Variants in SF3B1 observed in about 807,000 individuals in gnomAD.
The protein encoded by SF3B1 is splicing factor 3b subunit 1.
SF3B1 carries 12 observed loss-of-function variants against 153.8 expected under a neutral mutation model. That is an observed-to-expected ratio of 0.08 (90% CI 0.05 to 0.13). The LOEUF (loss-of-function observed/expected upper bound fraction) is 0.13, where lower values mean the gene tolerates loss of function less well. SF3B1 is among the 10% of genes least tolerant of loss of function. The pLI is 1.00. For synonymous variants in SF3B1, 498 were observed against 525.2 expected (o/e 0.95, Z 0.71); for missense variants, 513 against 1,606.1 (o/e 0.32, Z 11.63).
chr2:197,401,244 G>A lies in SF3B1; in HGVS notation c.2496+156C>T, dbSNP rs1254189818. Among the ~76,000 whole-genome samples the A allele has an allele frequency of 6.6e-6, 1 of 152,178 alleles. No individual in the cohort carries two copies. Among genetic ancestry groups the A allele is most frequent in the Non-Finnish European group, 1.5e-5 (1 of 68,018 alleles). Reference sequence around the variant, plus strand: ...CCTCGAATCCAAAATCAAAATGGAAGTTAACTGGCTGACTAAAATCCATCT... The same window carrying A: ...CCTCGAATCCAAAATCAAAATGGAAATTAACTGGCTGACTAAAATCCATCT... On this transcript the variant is annotated intron_variant, in intron 17 of 24. Transcript: ENST00000335508. The surrounding 1 kb of genome is among the most constrained non-coding windows in gnomAD (Gnocchi z 4.2).
At position 197,429,653 on chromosome 2, in the gene SF3B1, G is replaced by A. The variant is rs371544833; in HGVS notation, c.28+5319C>T. On this transcript the variant is annotated intron_variant, in intron 1 of 24. Transcript: ENST00000335508. Reference sequence around the variant, plus strand: ...ACAAAAATTAGCTGGGTGTGATGGCGCGCGTCTGTAGTCCCAGCTACTCGG... The same window carrying A: ...ACAAAAATTAGCTGGGTGTGATGGCACGCGTCTGTAGTCCCAGCTACTCGG... Among the ~76,000 whole-genome samples, 195 of 152,088 alleles carry A rather than the reference G, an allele frequency of 1.3e-3. 5 individuals are homozygous for A. In the South Asian group the frequency reaches 0.03, roughly 23 times the overall value.
At chr2:197,406,082 T>A (rs2084988341) in intron 9 of SF3B1, among the ~76,000 whole-genome samples, 1 of 139,550 alleles carries the variant, frequency 7.2e-6, no homozygotes, top group Non-Finnish European at 1.5e-5. Context: ...ACAAAGAAAT[T>A]TTTTTTTTTT....
chr2:197,434,325 G>T (rs1050679412), intron 1 of SF3B1, among the ~76,000 whole-genome samples: 1 of 152,036 alleles, frequency 6.6e-6, no homozygotes, highest in African/African-American at 2.4e-5. Context: ...TGAAAGCTTC[G>T]GCCATTAATG....
intron 23 of SF3B1, chr2:197,393,430 C>A: frequency 4.1e-6 from 2 of 488,642 alleles, no homozygotes; most frequent in Non-Finnish European, 7.2e-6. Flanking sequence ...TATGGCTCAA[C>A]AATTAAGCCA....
chr2:197,418,638 A>G, intron 4 of SF3B1, 50 bp from the exon 5 acceptor site: 1 of 1,586,574 alleles, frequency 6.3e-7, no homozygotes, highest in South Asian at 1.2e-5. Context: ...ATAAAAAATA[A>G]GCAGGTTCAA....
chr2:197,422,348 C>G (rs2085257519), intron 2 of SF3B1, among the ~76,000 whole-genome samples: 2 of 150,868 alleles, frequency 1.3e-5, no homozygotes, highest in African/African-American at 4.9e-5. Context: ...TAGGTGGGAA[C>G]TGAACAATAA....
rs140740106 is a variant in SF3B1 at position 197,400,179 on chromosome 2, AAAT to A, written c.2902-16_2902-14del. The stretch of plus-strand genomic sequence containing the variant: ...CCATCAATTTTTCCTATAATAAAAC[AAAT>A]AATGTTAAAATGTTACTATTTACAT... On this transcript the variant is annotated splice_polypyrimidine_tract_variant and intron_variant, in intron 19 of 24. Transcript: ENST00000335508. The surrounding 1 kb of genome is among the most constrained non-coding windows in gnomAD (Gnocchi z 5.0). The A allele has an allele frequency of 0.18, 290,089 of 1,609,302 alleles. 27,250 individuals carry two copies. The highest frequency in any genetic ancestry group is 0.23 in the Middle Eastern group (1,395 of 6,052).
At chr2:197,427,690 T>C (rs888620803) in intron 1 of SF3B1, among the ~76,000 whole-genome samples, 10 of 152,328 alleles carry the variant, frequency 6.6e-5, no homozygotes, top group African/African-American at 2.2e-4. Context: ...TCATTATATT[T>C]TGTCCTATTC....
At position 197,408,878 on chromosome 2, in the gene SF3B1, G is replaced by A. The variant is rs191855096; in HGVS notation, c.905-297C>T. Among the ~76,000 whole-genome samples, 54 of 152,166 alleles carry A rather than the reference G, an allele frequency of 3.5e-4. 1 individual carries two copies. In the East Asian group the frequency reaches 8.5e-3, roughly 24 times the overall value. ...GCAGAGGTTGCAGTCAGCCGAGAGC[G>A]CACCACTGCACTCTAGCTTGGGTGA... is the stretch of plus-strand genomic sequence containing the variant. On this transcript the variant is annotated intron_variant, in intron 7 of 24. Coordinates refer to ENST00000335508, the MANE Select transcript of SF3B1 (RefSeq NM_012433.4).
At position 197,400,686 on chromosome 2, in the gene SF3B1, T is replaced by C. The variant is rs1396788498; in HGVS notation, c.2718+29A>G. 10 of 1,449,018 alleles carry C rather than the reference T, an allele frequency of 6.9e-6. No homozygotes were observed. Among genetic ancestry groups the C allele is most frequent in the Admixed American group, 1.8e-5 (1 of 56,112 alleles). 89.8% of individuals were successfully genotyped at this position (1,449,018 alleles called of 1,614,324 possible). The stretch of plus-strand genomic sequence containing the variant: ...GCTTTTCTACAAATATTAAAGTTAG[T>C]AGCAATGTGCCATAATAGTTTTCAT... On this transcript the variant is annotated intron_variant, in intron 18 of 24. Coordinates refer to ENST00000335508, the MANE Select transcript of SF3B1 (RefSeq NM_012433.4). This position sits in a 1 kb window ranked among gnomAD's most constrained non-coding sequence, Gnocchi z 5.0.
At position 197,391,073 on chromosome 2, in the gene SF3B1, G is replaced by A. The variant is rs908446524; in HGVS notation, c.*1230C>T. 1 of 152,084 alleles carries A rather than the reference G, an allele frequency of 6.6e-6. No individual in the cohort carries two copies. Among genetic ancestry groups the A allele is most frequent in the Admixed American group, 6.6e-5 (1 of 15,262 alleles). The allele number at this position is 152,084 out of a possible 1,614,324, so 9.4% of individuals were successfully genotyped here. On this transcript the variant is annotated 3_prime_UTR_variant, in exon 25 of 25. Transcript: ENST00000335508. The stretch of plus-strand genomic sequence containing the variant: ...AAACAAAACAGTAAAAATAGTATAG[G>A]TAGTAAAAAGGCCAAAACTAAGAAA...
chr2:197,406,854 G>A (rs571089089), intron 9 of SF3B1, among the ~76,000 whole-genome samples: 45 of 152,298 alleles, frequency 3.0e-4, no homozygotes, highest in African/African-American at 1.0e-3. Context: ...CAGTGTGGGA[G>A]GCCAATGTGG....
chr2:197,422,379 G>A (rs1325523288), intron 2 of SF3B1, among the ~76,000 whole-genome samples: 2 of 151,894 alleles, frequency 1.3e-5, no homozygotes, highest in African/African-American at 4.8e-5. Flanking sequence ...ACACAGGATG[G>A]GGAACATCAC....
rs2084948489 is a variant in SF3B1 at position 197,402,756 on chromosome 2, T to C, written c.1877A>G (p.Asn626Ser). Residue 626 changes from asparagine (N) to serine (S), a missense_variant, in exon 14 of 25, where the codon AAC becomes AGC. Asn to Ser is a conservative substitution (Grantham distance 46). This residue lies in a region of SF3B1 where 11 missense variants were observed against 16.2 expected (regional missense o/e 0.68). Transcript: ENST00000335508. This position sits in a 1 kb window ranked among gnomAD's most constrained non-coding sequence, Gnocchi z 4.6. ...DIDNMDEYVR[N>S]TTARAFAVVA... ...AACAGCAAAAGCTCTAGCTGTTGTG[T>C]TACGGACATACTCATCCATGTTATC... 2 of 1,614,052 alleles carry C rather than the reference T, an allele frequency of 1.2e-6. No individual in the cohort carries two copies. Among genetic ancestry groups the C allele is most frequent in the African/African-American group, 1.3e-5 (1 of 75,034 alleles).
chr2:197,424,778 A>G (rs1483948933), intron 1 of SF3B1, among the ~76,000 whole-genome samples: 1 of 152,248 alleles, frequency 6.6e-6, no homozygotes, highest in Admixed American at 6.5e-5. Flanking sequence ...TTTCGATTGC[A>G]AAAGATTTCC....
rs2085236478 is a variant in SF3B1, at chr2:197,421,187, TAGAA to T, written c.196-58_196-55del. 45 of 1,099,322 alleles carry T rather than the reference TAGAA, an allele frequency of 4.1e-5. 1 individual carries two copies. In the South Asian group the frequency reaches 5.2e-4, roughly 13 times the overall value. The allele number at this position is 1,099,322 out of a possible 1,614,324, so 68.1% of individuals were successfully genotyped here. A position where few individuals can be genotyped will look rare whatever the true frequency, so the allele number is the denominator to read the frequency against. On this transcript the variant is annotated intron_variant, in intron 2 of 24. Transcript: ENST00000335508. ...AAACAAAATGTTAGAACTTAAAAATTAGAAAGAATATGCAAAGATTCAAAATGAA... is the reference window on the plus strand; with the variant it reads ...AAACAAAATGTTAGAACTTAAAAATTAGAATATGCAAAGATTCAAAATGAA...
At position 197,393,001 on chromosome 2, in the gene SF3B1, G is replaced by C; in HGVS notation, c.3727C>G (p.Pro1243Ala). ...AAACAATATTGCAACATTCTACATGGTCCAATAGCAACTCTCAGGCCCTCT... is the reference window on the plus strand; with the variant it reads ...AAACAATATTGCAACATTCTACATGCTCCAATAGCAACTCTCAGGCCCTCT... ...ALEGLRVAIG[P>A]CRMLQYCLQG... is the part of the protein sequence containing the mutation. The change falls in exon 24 of 25, where the codon CCA becomes GCA. Residue 1243 changes from proline (P) to alanine (A), a missense_variant. Coordinates refer to ENST00000335508, the MANE Select transcript of SF3B1 (RefSeq NM_012433.4). 6.2e-7 allele frequency: 1 copy of C among 1,610,698 alleles called. No individual in the cohort carries two copies. Among genetic ancestry groups the C allele is most frequent in the Non-Finnish European group, 8.5e-7 (1 of 1,177,110 alleles).
intron 1 of SF3B1, among the ~76,000 whole-genome samples, chr2:197,431,218 A>G (rs2085430312): frequency 6.7e-6 from 1 of 148,694 alleles, no homozygotes; most frequent in African/African-American, 2.5e-5. Flanking sequence ...CCTGGGTTCA[A>G]GCGATTCTCC....
In SF3B1 at chr2:197,409,628, ATGAAC is replaced by A. The variant is rs2085039791; in HGVS notation, c.904+137_904+141del. Reference sequence around the variant, plus strand: ...TCAAGAAGTGGAAAAAATTAGGCATATGAACTGTTCTATTCTTAATCTGTCCCCCA... The same window carrying A: ...TCAAGAAGTGGAAAAAATTAGGCATATGTTCTATTCTTAATCTGTCCCCCA... On this transcript the variant is annotated intron_variant, in intron 7 of 24. Transcript: ENST00000335508. 2.1e-5 allele frequency: 15 copies of A among 722,556 alleles called. 1 individual carries two copies. In the South Asian group the frequency reaches 2.6e-4, roughly 13 times the overall value. 44.8% of individuals were successfully genotyped at this position (722,556 alleles called of 1,614,324 possible). A position where few individuals can be genotyped will look rare whatever the true frequency, so the allele number is the denominator to read the frequency against.
Sources: gnomAD v4.1 joint callset for allele counts (sites outside exome capture counted in the v4.1 genomes callset) on GRCh38, gnomAD v4.1.1 for gene constraint, gnomAD v4.1.1 regional missense constraint, Gnocchi (gnomAD v3.1) non-coding constraint, MANE v1.5 for transcripts, NCBI Gene and HGNC (gene_info 2026-07-23, HGNC 2026-07-21) for gene names.